Variants in TRPM6 observed in about 807,000 individuals in gnomAD.
The protein encoded by TRPM6 is channel kinase 2.
In TRPM6, 111 loss-of-function variants were observed where a neutral mutation model predicts 247.6. The observed-to-expected ratio is 0.45, with a 90% CI of 0.38 to 0.52. The LOEUF (loss-of-function observed/expected upper bound fraction) is 0.52, where lower values mean the gene tolerates loss of function less well. TRPM6 is among the 20% of genes least tolerant of loss of function. The probability of loss-of-function intolerance (pLI) is 0.00; values close to 1 mark genes in which losing one functional copy is unlikely to be tolerated. For missense variants in TRPM6, 2,126 were observed against 2,421.5 expected, an observed-to-expected ratio of 0.88 and a Z score of 2.56; for synonymous variants, 892 against 853.8, an observed-to-expected ratio of 1.04 and a Z score of -0.78.
At chr9:74,879,624 G>A (rs1831298650) in intron 1 of TRPM6, among the ~76,000 whole-genome samples, 1 of 152,044 alleles carries the variant, frequency 6.6e-6, no homozygotes. Context: ...CCTGGGAGAA[G>A]AAATTTTGAC....
At chr9:74,772,502 A>G (rs1270464637) in intron 24 of TRPM6, among the ~76,000 whole-genome samples, 1 of 152,184 alleles carries the variant, frequency 6.6e-6, no homozygotes, top group Non-Finnish European at 1.5e-5. Flanking sequence ...ATTGATTCAT[A>G]TTAGATGTAC....
intron 1 of TRPM6, among the ~76,000 whole-genome samples, chr9:74,861,919 T>C (rs544800116): frequency 6.6e-6 from 1 of 152,222 alleles, no homozygotes; most frequent in African/African-American, 2.4e-5. Flanking sequence ...GTCATTTCTA[T>C]TGCCCCAGGG....
rs1015737790 is a variant in TRPM6 at position 74,727,952 on chromosome 9, C to T, written c.5935+287G>A. 2.6e-5 allele frequency among the ~76,000 whole-genome samples: 4 copies of T among 152,194 alleles called. No individual in the cohort carries two copies. The East Asian group carries it at 5.8e-4, about 22-fold the overall frequency. On this transcript the variant is annotated intron_variant, in intron 38 of 38. Transcript: ENST00000360774. Reference sequence around the variant, plus strand: ...GTGGGGCGGGGGCAAAGACCAGCCTCGGTCAGATTTCATCCCATTTAAGTC... The same window carrying T: ...GTGGGGCGGGGGCAAAGACCAGCCTTGGTCAGATTTCATCCCATTTAAGTC...
intron 27 of TRPM6, 89 bp downstream of exon 27, chr9:74,761,607 T>C: frequency 6.1e-6 from 5 of 819,754 alleles, no homozygotes; most frequent in African/African-American, 1.7e-5. Flanking sequence ...TTTGTGTAGA[T>C]GGCACTTTAC....
intron 14 of TRPM6, among the ~76,000 whole-genome samples, chr9:74,806,207 TTGTA>T (rs1828520547): frequency 6.6e-6 from 1 of 152,136 alleles, no homozygotes; most frequent in South Asian, 2.1e-4. Flanking sequence ...TTCTCTATTT[TTGTA>T]TGTTTAAAAT....
intron 1 of TRPM6, among the ~76,000 whole-genome samples, chr9:74,863,477 G>A (rs1252398561): frequency 6.6e-6 from 1 of 152,190 alleles, no homozygotes; most frequent in Non-Finnish European, 1.5e-5. Flanking sequence ...GAGTAGGGAT[G>A]TTCAAACTGT....
At chr9:74,754,099 C>T (rs114056630) in intron 28 of TRPM6, among the ~76,000 whole-genome samples, 3,913 of 151,256 alleles carry the variant, frequency 0.026, 165 homozygotes, top group African/African-American at 0.087. Flanking sequence ...ATATATGACA[C>T]TTATAAATAA....
rs1829963234 is a variant in TRPM6 at position 74,842,156 on chromosome 9, A to G, written c.330+10T>C. 6.2e-7 allele frequency: 1 copy of G among 1,613,056 alleles called. No individual in the cohort carries two copies. The highest frequency in any genetic ancestry group is 1.3e-5 in the African/African-American group (1 of 74,924). ...AGAAACCAGCAAAACAATTTGGGTT[A>G]TTAGCAAACCTTGGCATGATGGGTG... On this transcript the variant is annotated intron_variant, in intron 4 of 38. Coordinates refer to ENST00000360774, the MANE Select transcript of TRPM6 (RefSeq NM_017662.5).
chr9:74,876,952 C>T (rs1013353620), intron 1 of TRPM6, among the ~76,000 whole-genome samples: 1 of 152,166 alleles, frequency 6.6e-6, no homozygotes, highest in Non-Finnish European at 1.5e-5. Context: ...CTAAATAGTT[C>T]TCCAAAGAAC....
rs916031260 is a variant in TRPM6, at chr9:74,822,420, T to A, written c.842-583A>T. ...ATGTACCACCACACCTAGCTTTTTT[T>A]TTTTTTCAGTTATTTGTAGAGATGG... is the stretch of plus-strand genomic sequence containing the variant. On this transcript the variant is annotated intron_variant, in intron 7 of 38. Transcript: ENST00000360774. 1.9e-4 allele frequency among the ~76,000 whole-genome samples: 29 copies of A among 151,442 alleles called. 1 individual carries two copies. Among genetic ancestry groups the A allele is most frequent in the African/African-American group, 6.8e-4 (28 of 41,346 alleles).
intron 36 of TRPM6, among the ~76,000 whole-genome samples, chr9:74,733,815 C>T (rs1352391470): frequency 6.6e-6 from 1 of 151,796 alleles, no homozygotes; most frequent in Non-Finnish European, 1.5e-5. Flanking sequence ...ACCTCAGCCT[C>T]CCAAAGTGCT....
At chr9:74,826,494 G>A (rs1434063194) in intron 7 of TRPM6, among the ~76,000 whole-genome samples, 1 of 152,114 alleles carries the variant, frequency 6.6e-6, no homozygotes, top group African/African-American at 2.4e-5. Context: ...GGCACAAGAG[G>A]CAGGGGTCGA....
intron 6 of TRPM6, among the ~76,000 whole-genome samples, chr9:74,832,178 A>T (rs1829569834): frequency 6.6e-6 from 1 of 152,194 alleles, no homozygotes; most frequent in Admixed American, 6.5e-5. Context: ...ACACCACTAC[A>T]AAAGATTAAA....
chr9:74,817,184 A>T (rs1320057725), intron 9 of TRPM6, among the ~76,000 whole-genome samples: 1 of 152,224 alleles, frequency 6.6e-6, no homozygotes, highest in Non-Finnish European at 1.5e-5. Context: ...ATCCAGAGGA[A>T]ACATTTATGA....
intron 6 of TRPM6, among the ~76,000 whole-genome samples, chr9:74,829,352 T>C (rs923803060): frequency 3.3e-5 from 5 of 152,218 alleles, no homozygotes; most frequent in African/African-American, 9.6e-5. Context: ...ATTTCATTCA[T>C]TATAAAACAT....
At chr9:74,751,148 A>G (rs1350731640) in intron 29 of TRPM6, among the ~76,000 whole-genome samples, 1 of 152,204 alleles carries the variant, frequency 6.6e-6, no homozygotes, top group Non-Finnish European at 1.5e-5. Flanking sequence ...AAAGATTCTC[A>G]TCTCAGGTCA....
chr9:74,761,636 T>C (rs1426980118), intron 27 of TRPM6, 60 bp downstream of exon 27: 1 of 1,008,394 alleles, frequency 9.9e-7, no homozygotes, highest in Admixed American at 1.7e-5. Flanking sequence ...TAAATCAAAC[T>C]AAGATAGGCC....
At chr9:74,827,755 G>A (rs1339974056) in intron 7 of TRPM6, 23 bp downstream of exon 7, 3 of 1,613,496 alleles carry the variant, frequency 1.9e-6, no homozygotes, top group Non-Finnish European at 2.5e-6. Flanking sequence ...CAGACTGGGT[G>A]ACTGAGCCCC....
rs141014694 is a variant in TRPM6, at chr9:74,840,069, C to A, written c.499G>T (p.Ala167Ser). The A allele has an allele frequency of 1.5e-4, 249 of 1,614,140 alleles. 1 individual carries two copies. The highest frequency in any genetic ancestry group is 1.5e-3 in the Middle Eastern group (9 of 6,062). ...EIFSQGLVKA[A>S]ETTGAWIITE... ...ATTATCCACGCTCCTGTTGTCTCTG[C>A]AGCTTTAACCAAACCTTGGCTGAAA... is the stretch of plus-strand genomic sequence containing the variant. The change falls in exon 5 of 39, where the codon GCA becomes TCA. Residue 167 changes from alanine (A) to serine (S), a missense_variant. By Grantham distance (99) the Ala-to-Ser change is moderately conservative (BLOSUM62 1). This residue lies in a region of TRPM6 where 1,082 missense variants were observed against 1,307.9 expected (regional missense o/e 0.83). Transcript: ENST00000360774.
Sources: allele counts gnomAD v4.1 joint callset (sites outside exome capture counted in the v4.1 genomes callset), GRCh38; gene constraint gnomAD v4.1.1; regional missense constraint gnomAD v4.1.1; transcripts MANE v1.5; gene names NCBI Gene and HGNC (gene_info 2026-07-23, HGNC 2026-07-21).